The following RELN variants were observed in gnomAD, a reference collection of about 807,000 sequenced individuals.
The protein encoded by RELN is reelin.
A neutral mutation model predicts 427.6 loss-of-function variants in RELN; 108 were observed. That is an observed-to-expected ratio of 0.25 (90% CI 0.22 to 0.30). The LOEUF is 0.30. Ranked by LOEUF, RELN falls within the 10% of genes least tolerant of loss-of-function variation. RELN has a pLI of 1.00. For missense variants in RELN, 3,715 were observed against 4,302.8 expected (o/e 0.86, Z 3.82); for synonymous variants, 1,524 against 1,513.4 (o/e 1.01, Z -0.16).
chr7:103,581,841 C>T (rs912472068), intron 28 of RELN, among the ~76,000 whole-genome samples: 1 of 151,826 alleles, frequency 6.6e-6, no homozygotes, highest in Admixed American at 6.6e-5. Flanking sequence ...AGAGAAAGGT[C>T]CAGCTGACCC....
chr7:103,831,852 C>T (rs1230279995), intron 3 of RELN, among the ~76,000 whole-genome samples: 1 of 152,030 alleles, frequency 6.6e-6, no homozygotes, highest in Non-Finnish European at 1.5e-5. Flanking sequence ...CAAGGCTGTA[C>T]CTTCAGAAGA....
chr7:103,761,487 T>C (rs1279591645), intron 4 of RELN, among the ~76,000 whole-genome samples: 1 of 152,192 alleles, frequency 6.6e-6, no homozygotes, highest in African/African-American at 2.4e-5. Context: ...AGTGTCTCGC[T>C]CTCTTGGCCA....
chr7:103,752,695 A>C (rs1791034688), intron 5 of RELN, among the ~76,000 whole-genome samples: 1 of 152,196 alleles, frequency 6.6e-6, no homozygotes, highest in Non-Finnish European at 1.5e-5. Context: ...GGTTACAGGC[A>C]TGAGCCACCA....
Position 103,551,252 on chromosome 7 carries a change from C to CACT in RELN, c.6114_6116dup (p.Val2039dup), listed in dbSNP as rs1188492878. The CACT allele has an allele frequency of 2.5e-6, 4 of 1,613,894 alleles. No homozygotes were observed. The East Asian group carries it at 6.7e-5, about 27-fold the overall frequency. ...CGAAGTCCCTTGAAAATTCCAGTCT[C>CACT]ACTGGATCCGCGGATGAGCTATCAG... On this transcript the variant is annotated inframe_insertion, in exon 41 of 65. Coordinates refer to ENST00000428762, the MANE Select transcript of RELN (RefSeq NM_005045.4).
chr7:103,803,922 G>A (rs1792530757), intron 3 of RELN, among the ~76,000 whole-genome samples: 1 of 151,894 alleles, frequency 6.6e-6, no homozygotes, highest in African/African-American at 2.4e-5. Flanking sequence ...ATAAAGGGTG[G>A]AAAATGCACC....
chr7:103,907,414 G>GAAAAAAAAAA lies in RELN; in HGVS notation c.337+9660_337+9661insTTTTTTTTTT. Among the ~76,000 whole-genome samples the GAAAAAAAAAA allele has an allele frequency of 4.5e-3, 177 of 39,686 alleles. 71 individuals carry two copies. Among genetic ancestry groups the GAAAAAAAAAA allele is most frequent in the Non-Finnish European group, 5.6e-3 (133 of 23,706 alleles). The allele number at this position is 39,686 out of a possible 152,430, so 26.0% of individuals were successfully genotyped here. A position where few individuals can be genotyped will look rare whatever the true frequency, so the allele number is the denominator to read the frequency against. On this transcript the variant is annotated intron_variant, in intron 2 of 64. Transcript: ENST00000428762. ...GCCTGGGCAACAAGATCAAGGCTCT[G>GAAAAAAAAAA]GAAAAAAAAAAAAAAAAAAAAAAAA...
intron 1 of RELN, among the ~76,000 whole-genome samples, chr7:103,937,385 C>G (rs1255361535): frequency 6.6e-6 from 1 of 152,120 alleles, no homozygotes; most frequent in Non-Finnish European, 1.5e-5. Flanking sequence ...AAACTTGATG[C>G]CTTTAGGCTG....
chr7:103,572,381 A>C (rs576953488), intron 30 of RELN, 121 bp from the exon 31 acceptor site: 1 of 678,288 alleles, frequency 1.5e-6, no homozygotes, highest in African/African-American at 1.8e-5. Context: ...TTCAAACTCA[A>C]AGGGCATATG....
intron 3 of RELN, among the ~76,000 whole-genome samples, chr7:103,777,734 C>A (rs1229139074): frequency 6.6e-6 from 1 of 152,170 alleles, no homozygotes; most frequent in Non-Finnish European, 1.5e-5. Context: ...TTTCTGAATT[C>A]CATCCTGATT....
At chr7:103,604,876 C>A (rs1283140139) in intron 22 of RELN, among the ~76,000 whole-genome samples, 1 of 147,246 alleles carries the variant, frequency 6.8e-6, no homozygotes. Flanking sequence ...GTTGCCCAGG[C>A]TGGATTGCAA....
Position 103,684,161 on chromosome 7 carries a change from T to TA in RELN, c.1144-1901dup, listed in dbSNP as rs572088116. Reference sequence around the variant, plus strand: ...TCTCCATTTCTTTCTAAGGAGTTGATAATCATAGGCCCTGTATTTTGGAGC... The same window carrying TA: ...TCTCCATTTCTTTCTAAGGAGTTGATAAATCATAGGCCCTGTATTTTGGAGC... On this transcript the variant is annotated intron_variant, in intron 10 of 64. Coordinates refer to ENST00000428762, the MANE Select transcript of RELN (RefSeq NM_005045.4). 4.7e-4 allele frequency among the ~76,000 whole-genome samples: 72 copies of TA among 152,282 alleles called. 2 individuals carry two copies. In the East Asian group the frequency reaches 0.012, roughly 26 times the overall value.
intron 2 of RELN, among the ~76,000 whole-genome samples, chr7:103,909,104 CTATT>C (rs1366003302): frequency 1.3e-5 from 2 of 152,164 alleles, no homozygotes; most frequent in African/African-American, 2.4e-5. Flanking sequence ...ATACAATACT[CTATT>C]TAATGAAATT....
chr7:103,764,771 G>A (rs1791387052), intron 4 of RELN, among the ~76,000 whole-genome samples: 1 of 146,036 alleles, frequency 6.8e-6, no homozygotes, highest in Admixed American at 6.9e-5. Flanking sequence ...GGGAGGCGGA[G>A]TTTGCAGTAA....
intron 3 of RELN, among the ~76,000 whole-genome samples, chr7:103,795,628 A>T (rs1248703032): frequency 6.6e-6 from 1 of 152,206 alleles, no homozygotes; most frequent in Non-Finnish European, 1.5e-5. Context: ...ATCCAATTTC[A>T]GGAACTTCAC....
chr7:103,954,458 G>GCA (rs1796395116), intron 1 of RELN, among the ~76,000 whole-genome samples: 1 of 151,934 alleles, frequency 6.6e-6, no homozygotes, highest in South Asian at 2.1e-4. Flanking sequence ...GTGTGTGTGT[G>GCA]CACACACATG....
intron 3 of RELN, among the ~76,000 whole-genome samples, chr7:103,795,175 C>T (rs1225748770): frequency 4.6e-5 from 7 of 152,172 alleles, no homozygotes; most frequent in Admixed American, 3.9e-4. Context: ...TCCTGCATTG[C>T]TTTGGGCAAA....
intron 4 of RELN, among the ~76,000 whole-genome samples, chr7:103,774,653 G>A (rs1791694129): frequency 6.6e-6 from 1 of 152,098 alleles, no homozygotes; most frequent in South Asian, 2.1e-4. Context: ...TTTATTTGAG[G>A]AGACAATTAC....
At chr7:103,869,176 G>A (rs912275739) in intron 2 of RELN, among the ~76,000 whole-genome samples, 2 of 152,024 alleles carry the variant, frequency 1.3e-5, no homozygotes, top group Non-Finnish European at 2.9e-5. Context: ...TAAGAAGTTC[G>A]AAGTGTGAAG....
intron 3 of RELN, among the ~76,000 whole-genome samples, chr7:103,806,046 A>G (rs529922797): frequency 6.6e-6 from 1 of 152,386 alleles, no homozygotes; most frequent in African/African-American, 2.4e-5. Context: ...TATCTTGGAA[A>G]AAATGCTCTA....
Sources: gnomAD v4.1 joint callset for allele counts (sites outside exome capture counted in the v4.1 genomes callset) on GRCh38, gnomAD v4.1.1 for gene constraint, MANE v1.5 for transcripts, NCBI Gene and HGNC (gene_info 2026-07-23, HGNC 2026-07-21) for gene names.